NTM: variants seen among roughly 807,000 people sequenced by gnomAD.
NTM encodes neurotrimin.
In NTM, 13 loss-of-function variants were observed where a neutral mutation model predicts 42.1. The ratio of observed to expected loss-of-function variants is 0.31; its 90% CI spans 0.20 to 0.49. NTM has a LOEUF of 0.49. Among genes scored for constraint, NTM ranks in the 20% least tolerant of loss-of-function variants. The probability of loss-of-function intolerance (pLI) is 0.99; values close to 1 mark genes in which losing one functional copy is unlikely to be tolerated. For synonymous variants in NTM, 187 were observed against 179.2 expected (o/e 1.04, Z -0.35); for missense variants, 373 against 452.8 (o/e 0.82, Z 1.60).
intron 1 of NTM, among the ~76,000 whole-genome samples, chr11:131,574,103 GT>G (rs780227068): frequency 1.3e-5 from 2 of 152,320 alleles, no homozygotes; most frequent in Non-Finnish European, 2.9e-5. Flanking sequence ...GCCCAGTGTG[GT>G]GTCTGGGGAG....
rs538920966 is a variant in NTM, at chr11:131,492,306, C to T, written c.82+121418C>T. Among the ~76,000 whole-genome samples, 5 of 151,956 alleles carry T rather than the reference C, an allele frequency of 3.3e-5. No homozygotes were observed. In the East Asian group the frequency reaches 7.7e-4, roughly 23 times the overall value. ...AATTGCAAAGTGACTTATTCATCAT[C>T]ACCCAGCTATCAGTGGTGGTATTAG... On this transcript the variant is annotated intron_variant, in intron 1 of 8. Coordinates refer to ENST00000683400, the MANE Select transcript of NTM (RefSeq NM_001352005.2).
intron 3 of NTM, among the ~76,000 whole-genome samples, chr11:132,196,203 A>G (rs1166224292): frequency 6.6e-6 from 1 of 152,234 alleles, no homozygotes; most frequent in Non-Finnish European, 1.5e-5. Flanking sequence ...AAAAAAGCTC[A>G]TGATCGCTAA....
At chr11:132,041,307 T>G (rs1304793998) in intron 2 of NTM, among the ~76,000 whole-genome samples, 2 of 151,784 alleles carry the variant, frequency 1.3e-5, no homozygotes, top group African/African-American at 2.4e-5. Context: ...TCCTTTTTGT[T>G]GTTGTTTTTT....
chr11:132,242,871 C>A (rs908451102), intron 4 of NTM, among the ~76,000 whole-genome samples: 10 of 152,328 alleles, frequency 6.6e-5, no homozygotes, highest in Admixed American at 2.0e-4. Context: ...CTCATTTTAG[C>A]TTCCATGATG....
At chr11:132,071,141 A>G (rs1175239152) in intron 2 of NTM, among the ~76,000 whole-genome samples, 1 of 143,016 alleles carries the variant, frequency 7.0e-6, no homozygotes, top group Non-Finnish European at 1.6e-5. Context: ...CACGTCACAC[A>G]GTCAAGTTAA....
At chr11:131,501,412 G>C (rs1479796115) in intron 1 of NTM, among the ~76,000 whole-genome samples, 1 of 152,150 alleles carries the variant, frequency 6.6e-6, no homozygotes, top group African/African-American at 2.4e-5. Context: ...TTCCAGCCAG[G>C]AGAAGGGGTT....
chr11:131,389,341 C>T (rs80343295), intron 1 of NTM, among the ~76,000 whole-genome samples: 3,501 of 152,288 alleles, frequency 0.023, 144 homozygotes, highest in African/African-American at 0.079. Context: ...GCTGGGGGAG[C>T]GGCTTGCTGA....
chr11:132,108,262 G>A (rs11222931), intron 2 of NTM, among the ~76,000 whole-genome samples: 21,073 of 152,110 alleles, frequency 0.14, 1,548 homozygotes, highest in Middle Eastern at 0.17. Context: ...TCATCAAAAC[G>A]ACAATAGCTG....
chr11:131,731,703 C>T (rs75457080), intron 1 of NTM, among the ~76,000 whole-genome samples: 219 of 152,312 alleles, frequency 1.4e-3, no homozygotes, highest in African/African-American at 5.1e-3. Flanking sequence ...GCAAAGCTTC[C>T]TCACAGAAGT....
intron 1 of NTM, among the ~76,000 whole-genome samples, chr11:131,871,518 G>A (rs1323751729): frequency 1.3e-5 from 2 of 152,188 alleles, no homozygotes; most frequent in Non-Finnish European, 2.9e-5. Context: ...ATACTATGAT[G>A]ATACAACTAT....
intron 4 of NTM, among the ~76,000 whole-genome samples, chr11:132,238,632 G>T (rs879525107): frequency 6.6e-6 from 1 of 152,168 alleles, no homozygotes; most frequent in Non-Finnish European, 1.5e-5. Context: ...TGAGCTCATA[G>T]CAGCCTGCGT....
chr11:132,098,381 C>G (rs557175386), intron 2 of NTM, among the ~76,000 whole-genome samples: 1 of 152,130 alleles, frequency 6.6e-6, no homozygotes, highest in Non-Finnish European at 1.5e-5. Flanking sequence ...GTGTGAAGAG[C>G]CTTTGGCGTT....
intron 2 of NTM, among the ~76,000 whole-genome samples, chr11:132,114,468 C>T (rs1049098077): frequency 2.6e-5 from 4 of 152,172 alleles, no homozygotes; most frequent in African/African-American, 7.2e-5. Flanking sequence ...GCTACTCAGA[C>T]TATGACAGTA....
intron 1 of NTM, among the ~76,000 whole-genome samples, chr11:131,501,159 T>C (rs982513855): frequency 1.3e-5 from 2 of 152,184 alleles, no homozygotes; most frequent in African/African-American, 4.8e-5. Flanking sequence ...ATCTCTGCCT[T>C]CAAGGGGTTT....
intron 1 of NTM, among the ~76,000 whole-genome samples, chr11:131,458,544 T>C (rs1251269198): frequency 1.3e-5 from 2 of 152,182 alleles, no homozygotes; most frequent in African/African-American, 2.4e-5. Context: ...ATTTTCTTTC[T>C]CCTTCTAACA....
chr11:131,861,767 A>G (rs182907345), intron 1 of NTM, among the ~76,000 whole-genome samples: 25 of 152,320 alleles, frequency 1.6e-4, no homozygotes, highest in Admixed American at 1.4e-3. Flanking sequence ...GAAAAGAAAA[A>G]AAGGTGTTGT....
chr11:131,422,058 G>A (rs1947589955), intron 1 of NTM, among the ~76,000 whole-genome samples: 1 of 152,160 alleles, frequency 6.6e-6, no homozygotes, highest in Non-Finnish European at 1.5e-5. Context: ...TCTGAGCCCT[G>A]CATTTTGTCC....
chr11:131,801,115 C>T (rs929330844), intron 1 of NTM, among the ~76,000 whole-genome samples: 26 of 152,040 alleles, frequency 1.7e-4, no homozygotes, highest in Admixed American at 1.0e-3. Context: ...TACACAACAC[C>T]CAATGAGTCA....
chr11:131,546,488 C>T (rs1009626012), intron 1 of NTM, among the ~76,000 whole-genome samples: 2 of 152,192 alleles, frequency 1.3e-5, no homozygotes, highest in Admixed American at 6.5e-5. Flanking sequence ...AATTGCCTAT[C>T]AATCCCTGGT....
Sources: allele counts gnomAD v4.1 joint callset (sites outside exome capture counted in the v4.1 genomes callset), GRCh38; gene constraint gnomAD v4.1.1; transcripts MANE v1.5; gene names NCBI Gene and HGNC (gene_info 2026-07-23, HGNC 2026-07-21).